ANO7: variants seen among roughly 807,000 people sequenced by gnomAD.
ANO7 encodes the protein anoctamin-7.
ANO7 carries 114 observed loss-of-function variants against 115.8 expected under a neutral mutation model. The observed-to-expected ratio is 0.98, with a 90% CI of 0.85 to 1.15. The LOEUF is 1.15. ANO7 is among the 50% of genes most tolerant of loss of function. The pLI is 0.00. For synonymous variants in ANO7, 550 were observed against 498.2 expected (o/e 1.10, Z -1.38); for missense variants, 1,302 against 1,201.2 (o/e 1.08, Z -1.24).
chr2:241,209,776 A>C, intron 13 of ANO7, 141 bp downstream of exon 13: 26 of 1,229,572 alleles, frequency 2.1e-5, no homozygotes, highest in Non-Finnish European at 2.4e-5. Flanking sequence ...AGAGGCCCCC[A>C]TGTGCCCGGG....
At position 241,195,837 on chromosome 2, in the gene ANO7, G is replaced by A. The variant is rs1161706704; in HGVS notation, c.301G>A (p.Val101Ile). 14 of 1,614,238 alleles carry A rather than the reference G, an allele frequency of 8.7e-6. No individual in the cohort carries two copies. In the South Asian group the frequency reaches 1.2e-4, roughly 14 times the overall value. ...LDNLRAAGLC[V>I]DQQDVQDGNT... Reference sequence around the variant, plus strand: ...TAATCTTCGTGCGGCTGGGCTGTGTGTAGACCAGGTACGTGGAGGCTGTCA... The same window carrying A: ...TAATCTTCGTGCGGCTGGGCTGTGTATAGACCAGGTACGTGGAGGCTGTCA... Residue 101 changes from valine to isoleucine, a missense_variant, in exon 4 of 25, where the codon GTA (valine) becomes ATA (isoleucine). Coordinates refer to ENST00000674324, the MANE Select transcript of ANO7 (RefSeq NM_001370694.2).
rs1158475836 is a variant in ANO7 at position 241,217,749 on chromosome 2, T to C, written c.2036T>C (p.Leu679Pro). ...AACPLAPLFA[L>P]LNNWVEIRLD... ...TGTCCGCTCGCGCCGCTCTTCGCCCTGCTCAACAACTGGGTGGAGATCCGC... is the reference window on the plus strand; with the variant it reads ...TGTCCGCTCGCGCCGCTCTTCGCCCCGCTCAACAACTGGGTGGAGATCCGC... The change falls in exon 20 of 25, where the codon CTG becomes CCG. Residue 679 changes from leucine (L) to proline (P), a missense_variant. By Grantham distance (98) the Leu-to-Pro change is moderately conservative (BLOSUM62 -3). Coordinates refer to ENST00000674324, the MANE Select transcript of ANO7 (RefSeq NM_001370694.2). The C allele has an allele frequency of 1.2e-6, 2 of 1,607,326 alleles. No individual in the cohort carries two copies. The highest frequency in any genetic ancestry group is 1.7e-5 in the Admixed American group (1 of 59,454).
At chr2:241,218,527 C>T (rs1301949853) in intron 21 of ANO7, 146 bp downstream of exon 21, 81 of 627,154 alleles carry the variant, frequency 1.3e-4, no homozygotes, top group Non-Finnish European at 1.7e-4. Context: ...GCTGGGGGCG[C>T]CGTGGGCAGG....
Position 241,217,686 on chromosome 2 carries a change from T to A in ANO7, c.1973T>A (p.Val658Glu), listed in dbSNP as rs2068866252. The A allele has an allele frequency of 6.3e-7, 1 of 1,579,688 alleles. No individual in the cohort carries two copies. The highest frequency in any genetic ancestry group is 8.6e-7 in the Non-Finnish European group (1 of 1,163,710). The change falls in exon 20 of 25, where the codon GTG (valine) becomes GAG (glutamate). Residue 658 changes from valine (V) to glutamate (E), a missense_variant and splice_region_variant. Physicochemically the swap from Val to Glu is moderately radical, Grantham distance 121 (BLOSUM62 -2). Coordinates refer to ENST00000674324, the MANE Select transcript of ANO7 (RefSeq NM_001370694.2). ...CCCGGCCGTGACCCCCTCCCCGCAG[T>A]GCTGCAGTTCGGCTTCGTCACCATC... is the stretch of plus-strand genomic sequence containing the variant. ...EGLFDEYLEM[V>E]LQFGFVTIFV... is the part of the protein sequence containing the mutation.
At chr2:241,208,562 T>G (rs2068640816) in intron 11 of ANO7, among the ~76,000 whole-genome samples, 3 of 152,226 alleles carry the variant, frequency 2.0e-5, no homozygotes, top group African/African-American at 7.2e-5. Context: ...CAAATAAGAT[T>G]ACATTCTGAG....
the ANO7 span, among the ~76,000 whole-genome samples, chr2:241,239,399 G>A: frequency 4.1e-5 from 6 of 147,930 alleles, no homozygotes; most frequent in African/African-American, 1.3e-4. This position sits in a 1 kb window ranked among gnomAD's most constrained non-coding sequence, Gnocchi z 4.6. Flanking sequence ...AGTGCTTCTC[G>A]CAGGCAGAAT....
At chr2:241,233,955 C>T in the ANO7 span, 3 of 1,614,178 alleles carry the variant, frequency 1.9e-6, no homozygotes, top group East Asian at 2.2e-5. This position sits in a 1 kb window ranked among gnomAD's most constrained non-coding sequence, Gnocchi z 4.3. Flanking sequence ...GCTTAAAACT[C>T]CTTAAAGCCT....
rs533501652 is a variant in ANO7, at chr2:241,193,964, C to T, written c.167-1739C>T. Among the ~76,000 whole-genome samples the T allele has an allele frequency of 3.3e-5, 5 of 152,384 alleles. No homozygotes were observed. In the South Asian group the frequency reaches 8.3e-4, roughly 25 times the overall value. ...CGATCTTGGCTCACTGCAACCTCCACCTCCCAGGTTCAAGTGATCTCTGGC... is the reference window on the plus strand; with the variant it reads ...CGATCTTGGCTCACTGCAACCTCCATCTCCCAGGTTCAAGTGATCTCTGGC... On this transcript the variant is annotated intron_variant, in intron 3 of 24. Transcript: ENST00000674324.
rs1326165523 is a variant in ANO7, at chr2:241,225,033, C to T, written c.*880C>T. On this transcript the variant is annotated 3_prime_UTR_variant, in exon 25 of 25. Transcript: ENST00000674324. The stretch of plus-strand genomic sequence containing the variant: ...CTTCCCCCAGAAGTTTGTGTTCATA[C>T]ATAATTGTTTTCCACGCTGGATCAT... The T allele has an allele frequency of 6.6e-6, 1 of 152,218 alleles. No homozygotes were observed. Among genetic ancestry groups the T allele is most frequent in the African/African-American group, 2.4e-5 (1 of 41,444 alleles). 9.4% of individuals were successfully genotyped at this position (152,218 alleles called of 1,614,324 possible).
chr2:241,238,587 C>T, the ANO7 span: 1 of 1,325,678 alleles, frequency 7.5e-7, no homozygotes, highest in South Asian at 1.7e-5. The surrounding 1 kb of genome is among the most constrained non-coding windows in gnomAD (Gnocchi z 4.9). Flanking sequence ...GTGCGACAGC[C>T]CCGCCTCTCA....
Position 241,216,169 on chromosome 2 carries a change from CA to C in ANO7, c.1904del (p.Gln635ArgfsTer195). On this transcript the variant is annotated frameshift_variant, in exon 19 of 25. Transcript: ENST00000674324. LOFTEE classifies it high-confidence loss of function. Reference protein sequence around the residue: ...RKAGASAGASQGPWEDDYELV... With the variant: ...RKAGASAGASXGPWEDDYELV... ...GGCGGGAGCTTCTGCAGGGGCTAGC[CA>C]GGGGCCCTGGGAGGACGACTATGAG... 1 of 1,613,292 alleles carries C rather than the reference CA, an allele frequency of 6.2e-7. No individual in the cohort carries two copies. The highest frequency in any genetic ancestry group is 1.1e-5 in the South Asian group (1 of 91,076).
At chr2:241,215,965 C>T in intron 18 of ANO7, 128 bp from the exon 19 acceptor site, 3 of 1,206,806 alleles carry the variant, frequency 2.5e-6, no homozygotes, top group East Asian at 4.8e-5. Context: ...CCCCAGACCC[C>T]ATCCCTCCCT....
chr2:241,202,895 C>T (rs948765328), intron 8 of ANO7, among the ~76,000 whole-genome samples: 1 of 152,180 alleles, frequency 6.6e-6, no homozygotes, highest in Non-Finnish European at 1.5e-5. Context: ...GCCCCAACGC[C>T]GTCATGAGGG....
chr2:241,195,415 C>G (rs1356842403), intron 3 of ANO7, among the ~76,000 whole-genome samples: 1 of 152,180 alleles, frequency 6.6e-6, no homozygotes, highest in Non-Finnish European at 1.5e-5. Context: ...CTGGGACTTA[C>G]CCTGCAGGGA....
chr2:241,193,383 T>C (rs1574756651), intron 3 of ANO7, among the ~76,000 whole-genome samples: 1 of 152,260 alleles, frequency 6.6e-6, no homozygotes, highest in East Asian at 1.9e-4. Flanking sequence ...GATGGTTTTT[T>C]AAAACGTAGA....
rs2069117739 is a variant in ANO7, at chr2:241,224,765, T to C, written c.*612T>C. 1 of 152,644 alleles carries C rather than the reference T, an allele frequency of 6.6e-6. No homozygotes were observed. The allele number at this position is 152,644 out of a possible 1,614,324, so 9.5% of individuals were successfully genotyped here. A position where few individuals can be genotyped will look rare whatever the true frequency, so the allele number is the denominator to read the frequency against. On this transcript the variant is annotated 3_prime_UTR_variant, in exon 25 of 25. Transcript: ENST00000674324. ...TCTGTTTCTTGAATCAGGCTCTGCT[T>C]TCCCCCTAGCCACTACAGGCAGCCT...
chr2:241,223,773 G>T lies in ANO7; in HGVS notation c.2524G>T (p.Glu842Ter), dbSNP rs1430763671. The change falls in exon 23 of 25, where the codon GAG (glutamate) becomes TAG (stop). Residue 842 changes from glutamate to a stop codon, truncating the protein, a stop_gained. Coordinates refer to ENST00000674324, the MANE Select transcript of ANO7 (RefSeq NM_001370694.2). LOFTEE classifies it high-confidence loss of function. ...EYYLAKQALA[E>*]NEVLFGTNGT... The stretch of plus-strand genomic sequence containing the variant: ...CTACCTGGCTAAGCAGGCACTGGCT[G>T]AGAATGAGGTGAACTGTACAGCCCA... The T allele has an allele frequency of 3.7e-6, 6 of 1,614,220 alleles. No homozygotes were observed. The South Asian group carries it at 4.4e-5, about 12-fold the overall frequency.
chr2:241,208,487 G>GTAAGGGT (rs1168907399), intron 11 of ANO7, among the ~76,000 whole-genome samples: 1 of 152,144 alleles, frequency 6.6e-6, no homozygotes, highest in Non-Finnish European at 1.5e-5. Context: ...CTCCCCTCTT[G>GTAAGGGT]TAAGGGTTTG....
rs759910822 is a variant in ANO7 at position 241,218,291 on chromosome 2, G to A, written c.2231G>A (p.Trp744Ter). The A allele has an allele frequency of 1.3e-6, 2 of 1,536,112 alleles. No individual in the cohort carries two copies. Among genetic ancestry groups the A allele is most frequent in the Non-Finnish European group, 8.7e-7 (1 of 1,149,138 alleles). Residue 744 changes from tryptophan (W) to a stop codon, truncating the protein, a stop_gained, in exon 21 of 25, where the codon TGG becomes TAG. Transcript: ENST00000674324. LOFTEE classifies it high-confidence loss of function. ...TTCCTGCCGCGCGCCTACTACCGGT[G>A]GACCCGCGCCCACGACCTGCGCGGC... ...SDFLPRAYYR[W>*]TRAHDLRGFL... is the part of the protein sequence containing the mutation.
Sources: allele counts gnomAD v4.1 joint callset (sites outside exome capture counted in the v4.1 genomes callset), GRCh38; gene constraint gnomAD v4.1.1; non-coding constraint Gnocchi (gnomAD v3.1); transcripts MANE v1.5; gene names NCBI Gene and HGNC (gene_info 2026-07-23, HGNC 2026-07-21).